INSR: variants seen among roughly 807,000 people sequenced by gnomAD.
INSR encodes IR.
INSR carries 67 observed loss-of-function variants against 142.6 expected under a neutral mutation model. That is an observed-to-expected ratio of 0.47 (90% CI 0.39 to 0.58). The LOEUF (loss-of-function observed/expected upper bound fraction) is 0.58. Ranked by LOEUF, INSR falls within the 20% of genes least tolerant of loss-of-function variation. The probability of loss-of-function intolerance (pLI) is 0.00; values close to 1 mark genes in which losing one functional copy is unlikely to be tolerated. For missense variants in INSR, 1,248 were observed against 1,833.2 expected (o/e 0.68, Z 5.83); for synonymous variants, 756 against 743.1 (o/e 1.02, Z -0.28).
At chr19:7,145,102 C>T (rs1271332055) in intron 11 of INSR, among the ~76,000 whole-genome samples, 1 of 151,660 alleles carries the variant, frequency 6.6e-6, no homozygotes, top group Non-Finnish European at 1.5e-5. Context: ...AAGAATTGTC[C>T]CCTCCTTGTC....
chr19:7,268,639 C>T, intron 1 of INSR: 1 of 981,292 alleles, frequency 1.0e-6, no homozygotes, highest in Non-Finnish European at 1.2e-6. Context: ...TGTAACATGG[C>T]TTATATGGAA....
intron 2 of INSR, among the ~76,000 whole-genome samples, chr19:7,266,383 CTT>C (rs746892721): frequency 4.2e-3 from 517 of 123,234 alleles, no homozygotes; most frequent in African/African-American, 0.011. Context: ...TAGAAATTAT[CTT>C]TTTTTTTTTT....
intron 2 of INSR, among the ~76,000 whole-genome samples, chr19:7,256,931 C>CTTTTTTTTTTTTTTTTT (rs772500676): frequency 8.2e-5 from 9 of 109,464 alleles, no homozygotes; most frequent in Non-Finnish European, 1.4e-4. Flanking sequence ...TCTACCCTAC[C>CTTTTTTTTTTTTTTTTT]TTTTTTTTTT....
chr19:7,212,378 G>A (rs974049276), intron 2 of INSR, among the ~76,000 whole-genome samples: 1 of 152,020 alleles, frequency 6.6e-6, no homozygotes, highest in Non-Finnish European at 1.5e-5. Context: ...ATCATCCCCG[G>A]GACCCAAGCC....
At chr19:7,196,346 G>C (rs1974747894) in intron 2 of INSR, among the ~76,000 whole-genome samples, 1 of 152,184 alleles carries the variant, frequency 6.6e-6, no homozygotes, top group Non-Finnish European at 1.5e-5. Context: ...TAATGTGTGT[G>C]CATAAATATA....
intron 2 of INSR, among the ~76,000 whole-genome samples, chr19:7,257,777 G>A (rs1205115328): frequency 4.6e-5 from 7 of 152,166 alleles, no homozygotes; most frequent in Admixed American, 3.9e-4. Flanking sequence ...GCCTCAGGCC[G>A]TGGTGCTCCC....
At chr19:7,289,110 G>C (rs1968422602) in intron 1 of INSR, among the ~76,000 whole-genome samples, 1 of 152,108 alleles carries the variant, frequency 6.6e-6, no homozygotes, top group South Asian at 2.1e-4. Flanking sequence ...CCTTCCAGGA[G>C]GGGGGACTGG....
At chr19:7,268,620 A>G (rs1967814060) in intron 1 of INSR, 1 of 984,902 alleles carries the variant, frequency 1.0e-6, no homozygotes, top group African/African-American at 1.7e-5. Flanking sequence ...CAAGACTCCT[A>G]TCCTCCTCTG....
chr19:7,168,974 G>A lies in INSR; in HGVS notation c.1484-880C>T, dbSNP rs764216269. 1.3e-5 allele frequency among the ~76,000 whole-genome samples: 2 copies of A among 152,208 alleles called. No individual in the cohort carries two copies. The highest frequency in any genetic ancestry group is 2.9e-5 in the Non-Finnish European group (2 of 68,034). On this transcript the variant is annotated intron_variant, in intron 6 of 21. Coordinates refer to ENST00000302850, the MANE Select transcript of INSR (RefSeq NM_000208.4). The surrounding 1 kb of genome is among the most constrained non-coding windows in gnomAD (Gnocchi z 4.3). ...TCCCAGAAGCCCTTGGCAGCTCACT[G>A]TTTAGAATCTGTCAGGGAAGTGCAG...
At chr19:7,238,889 G>A (rs966593692) in intron 2 of INSR, among the ~76,000 whole-genome samples, 5 of 134,484 alleles carry the variant, frequency 3.7e-5, no homozygotes, top group Non-Finnish European at 7.6e-5. Flanking sequence ...TTGTAGACCC[G>A]TGTTTTTCCC....
rs3084138 is a variant in INSR, at chr19:7,199,560, C to CTTTTTTT, written c.653-14930_653-14924dup. 1.1e-3 allele frequency among the ~76,000 whole-genome samples: 85 copies of CTTTTTTT among 78,674 alleles called. 1 individual carries two copies. Among genetic ancestry groups the CTTTTTTT allele is most frequent in the Non-Finnish European group, 1.1e-3 (50 of 44,514 alleles). The allele number at this position is 78,674 out of a possible 152,430, so 51.6% of individuals were successfully genotyped here. A position where few individuals can be genotyped will look rare whatever the true frequency, so the allele number is the denominator to read the frequency against. ...CTACAGGAGAGTGCCACTGCGACAG[C>CTTTTTTT]TTTTTTTTTTTTTTTTTTTTTTGAG... is the stretch of plus-strand genomic sequence containing the variant. On this transcript the variant is annotated intron_variant, in intron 2 of 21. Coordinates refer to ENST00000302850, the MANE Select transcript of INSR (RefSeq NM_000208.4).
intron 3 of INSR, among the ~76,000 whole-genome samples, chr19:7,178,651 G>T (rs976885339): frequency 5.9e-5 from 9 of 152,128 alleles, no homozygotes; most frequent in Admixed American, 2.0e-4. Context: ...CCTGGGATGT[G>T]GAGGTTGCAG....
At chr19:7,224,802 T>C (rs1307962632) in intron 2 of INSR, among the ~76,000 whole-genome samples, 2 of 151,706 alleles carry the variant, frequency 1.3e-5, no homozygotes, top group African/African-American at 4.8e-5. Context: ...GCAGAGATAA[T>C]CCAGGGCCCT....
At position 7,119,644 on chromosome 19, in the gene INSR, G is replaced by T; in HGVS notation, c.3660-61C>A. Reference sequence around the variant, plus strand: ...CATTTAGACACACACACACACGCGCGCGCGCAAACACACACACGCAAACGC... The same window carrying T: ...CATTTAGACACACACACACACGCGCTCGCGCAAACACACACACGCAAACGC... On this transcript the variant is annotated intron_variant, in intron 20 of 21. Coordinates refer to ENST00000302850, the MANE Select transcript of INSR (RefSeq NM_000208.4). The surrounding 1 kb of genome is among the most constrained non-coding windows in gnomAD (Gnocchi z 5.2). 7.0e-7 allele frequency: 1 copy of T among 1,430,220 alleles called. No individual in the cohort carries two copies. Among genetic ancestry groups the T allele is most frequent in the Non-Finnish European group, 9.7e-7 (1 of 1,027,072 alleles). 88.6% of individuals were successfully genotyped at this position (1,430,220 alleles called of 1,614,324 possible).
At chr19:7,158,972 G>C (rs540389877) in intron 9 of INSR, among the ~76,000 whole-genome samples, 1 of 152,024 alleles carries the variant, frequency 6.6e-6, no homozygotes, top group East Asian at 1.9e-4. Context: ...GCGTGATCTC[G>C]GCTCACTGCA....
In INSR at chr19:7,166,748, C is replaced by T. The variant is rs1392064073; in HGVS notation, c.1611-344G>A. ...CAGCCTGGCCAACATGGTGAAACCC[C>T]GTCTCTACTAAAAATACAAAAATTA... On this transcript the variant is annotated intron_variant, in intron 7 of 21. Coordinates refer to ENST00000302850, the MANE Select transcript of INSR (RefSeq NM_000208.4). This position sits in a 1 kb window ranked among gnomAD's most constrained non-coding sequence, Gnocchi z 4.1. 3.3e-5 allele frequency among the ~76,000 whole-genome samples: 5 copies of T among 151,822 alleles called. No homozygotes were observed. The highest frequency in any genetic ancestry group is 4.8e-5 in the African/African-American group (2 of 41,304).
chr19:7,260,133 G>T (rs1253727018), intron 2 of INSR, among the ~76,000 whole-genome samples: 1 of 152,176 alleles, frequency 6.6e-6, no homozygotes, highest in Non-Finnish European at 1.5e-5. Flanking sequence ...TTAAACTCGT[G>T]CATTTAAATA....
Position 7,119,179 on chromosome 19 carries a change from G to A in INSR, c.3794+270C>T, listed in dbSNP as rs1183097118. Among the ~76,000 whole-genome samples, 2 of 152,152 alleles carry A rather than the reference G, an allele frequency of 1.3e-5. No individual in the cohort carries two copies. The highest frequency in any genetic ancestry group is 2.9e-5 in the Non-Finnish European group (2 of 68,032). On this transcript the variant is annotated intron_variant, in intron 21 of 21. Coordinates refer to ENST00000302850, the MANE Select transcript of INSR (RefSeq NM_000208.4). This position sits in a 1 kb window ranked among gnomAD's most constrained non-coding sequence, Gnocchi z 5.2. ...TGATGCACACAGAAACATATAATAT[G>A]CAAACATAAATACCTATGTAAATAT...
At chr19:7,195,111 T>A (rs2145022405) in intron 2 of INSR, among the ~76,000 whole-genome samples, 1 of 152,260 alleles carries the variant, frequency 6.6e-6, no homozygotes, top group South Asian at 2.1e-4. Flanking sequence ...GGGAAACTTT[T>A]CATTCAGGTA....
Sources: allele counts gnomAD v4.1 joint callset (sites outside exome capture counted in the v4.1 genomes callset), GRCh38; gene constraint gnomAD v4.1.1; non-coding constraint Gnocchi (gnomAD v3.1); transcripts MANE v1.5; gene names NCBI Gene and HGNC (gene_info 2026-07-23, HGNC 2026-07-21).